The following LRP8 variants were observed in gnomAD, a reference collection of about 807,000 sequenced individuals.
LRP8 encodes the protein LDL receptor related protein 8, also known as low-density lipoprotein receptor-related protein 8.
LRP8 carries 46 observed loss-of-function variants against 111.6 expected under a neutral mutation model. The observed-to-expected ratio is 0.41, with a 90% CI of 0.33 to 0.53. LRP8 has a LOEUF of 0.53. Ranked by LOEUF, LRP8 falls within the 20% of genes least tolerant of loss-of-function variation. The probability of loss-of-function intolerance (pLI) is 0.20; values close to 1 mark genes in which losing one functional copy is unlikely to be tolerated. For synonymous variants in LRP8, 464 were observed against 511.2 expected, an observed-to-expected ratio of 0.91 and a Z score of 1.24; for missense variants, 959 against 1,297.4, an observed-to-expected ratio of 0.74 and a Z score of 4.01.
In LRP8 at chr1:53,266,739, C is replaced by T; in HGVS notation, c.1253-92G>A. ...TCTGCCACTGGCTTGCTGGCTGACA[C>T]ATCCATTTTCCTTAAAATAGTAGTG... On this transcript the variant is annotated intron_variant, in intron 8 of 18. Transcript: ENST00000306052. This position sits in a 1 kb window ranked among gnomAD's most constrained non-coding sequence, Gnocchi z 5.0. The T allele has an allele frequency of 8.7e-7, 1 of 1,151,390 alleles. No homozygotes were observed. Among genetic ancestry groups the T allele is most frequent in the Non-Finnish European group, 1.3e-6 (1 of 780,014 alleles). 71.3% of individuals were successfully genotyped at this position (1,151,390 alleles called of 1,614,324 possible).
Position 53,328,063 on chromosome 1 carries a change from T to G in LRP8, c.-151A>C. On this transcript the variant is annotated 5_prime_UTR_variant, in exon 1 of 19. Transcript: ENST00000306052. ...CTGCCGCCCGCCCCGGCTCCTCGGC[T>G]GCATTTCAAGCAGGTTCGGTGACGC... 3.2e-6 allele frequency: 1 copy of G among 317,182 alleles called. No individual in the cohort carries two copies. The highest frequency in any genetic ancestry group is 4.5e-6 in the Non-Finnish European group (1 of 221,272). The allele number at this position is 317,182 out of a possible 1,614,324, so 19.6% of individuals were successfully genotyped here.
chr1:53,258,289 G>A, intron 14 of LRP8, 30 bp downstream of exon 14: 2 of 1,605,348 alleles, frequency 1.2e-6, no homozygotes, highest in Admixed American at 1.7e-5. Context: ...GACACTGCCA[G>A]GGGCCATCCC....
At chr1:53,278,236 C>T (rs1172982696) in intron 4 of LRP8, among the ~76,000 whole-genome samples, 1 of 152,216 alleles carries the variant, frequency 6.6e-6, no homozygotes, top group African/African-American at 2.4e-5. Flanking sequence ...TTTCTCCTCC[C>T]TTCCTGGAGT....
chr1:53,297,485 C>T (rs1469119745), intron 2 of LRP8, among the ~76,000 whole-genome samples: 1 of 152,196 alleles, frequency 6.6e-6, no homozygotes, highest in Non-Finnish European at 1.5e-5. Flanking sequence ...TTTGTACTGC[C>T]CAGCGGGCTC....
At chr1:53,272,439 C>A (rs896119038) in intron 6 of LRP8, among the ~76,000 whole-genome samples, 1 of 151,430 alleles carries the variant, frequency 6.6e-6, no homozygotes, top group Non-Finnish European at 1.5e-5. Flanking sequence ...TCCCCCTCTG[C>A]CCCCCAGGCT....
At chr1:53,259,300 T>C (rs1557758206) in intron 13 of LRP8, among the ~76,000 whole-genome samples, 1 of 152,132 alleles carries the variant, frequency 6.6e-6, no homozygotes, top group Non-Finnish European at 1.5e-5. Flanking sequence ...TTTGTAGTGA[T>C]AGAGTCTTGC....
Position 53,264,341 on chromosome 1 carries a change from G to T in LRP8, c.1483C>A (p.Gln495Lys), listed in dbSNP as rs1166280821. The T allele has an allele frequency of 6.2e-7, 1 of 1,613,990 alleles. No individual in the cohort carries two copies. Among genetic ancestry groups the T allele is most frequent in the African/African-American group, 1.3e-5 (1 of 74,918 alleles). Residue 495 changes from glutamine (Q) to lysine (K), a missense_variant, in exon 10 of 19, where the codon CAG (glutamine) becomes AAG (lysine). Coordinates refer to ENST00000306052, the MANE Select transcript of LRP8 (RefSeq NM_004631.5). Reference sequence around the variant, plus strand: ...GCCAGGCCCTCTGGAGAGTGCAACTGCTCGTCAATGAGGACCTCCTGCTCT... The same window carrying T: ...GCCAGGCCCTCTGGAGAGTGCAACTTCTCGTCAATGAGGACCTCCTGCTCT... ...PKEQEVLIDE[Q>K]LHSPEGLAVD...
At chr1:53,260,306 A>C (rs549164661) in intron 13 of LRP8, among the ~76,000 whole-genome samples, 158 bp downstream of exon 13, 1 of 152,384 alleles carries the variant, frequency 6.6e-6, no homozygotes, top group African/African-American at 2.4e-5. Flanking sequence ...GAGACAAAAT[A>C]TATGATGAAA....
chr1:53,298,632 T>A (rs961067082), intron 2 of LRP8, among the ~76,000 whole-genome samples: 2 of 152,178 alleles, frequency 1.3e-5, no homozygotes, highest in Non-Finnish European at 2.9e-5. Flanking sequence ...GGAGACCCTT[T>A]AGGCCCTCCA....
At chr1:53,309,402 C>T (rs1372209200) in intron 2 of LRP8, among the ~76,000 whole-genome samples, 2 of 152,224 alleles carry the variant, frequency 1.3e-5, no homozygotes, top group Non-Finnish European at 2.9e-5. Context: ...TCCCAGCCAA[C>T]AGCCCTTTGA....
intron 12 of LRP8, among the ~76,000 whole-genome samples, chr1:53,261,776 C>T (rs1436959921): frequency 6.6e-6 from 1 of 152,158 alleles, no homozygotes; most frequent in African/African-American, 2.4e-5. Flanking sequence ...ATATGGGTTA[C>T]AGTGCTGGGT....
At position 53,275,522 on chromosome 1, in the gene LRP8, T is replaced by A; in HGVS notation, c.1006+109A>T. On this transcript the variant is annotated intron_variant, in intron 6 of 18. Transcript: ENST00000306052. The surrounding 1 kb of genome is among the most constrained non-coding windows in gnomAD (Gnocchi z 4.4). Reference sequence around the variant, plus strand: ...GGGCAAGTGATGCTCTGGGGGAAAATGCATCTTGGGGACCAAGGGGAAACT... The same window carrying A: ...GGGCAAGTGATGCTCTGGGGGAAAAAGCATCTTGGGGACCAAGGGGAAACT... 7.0e-7 allele frequency: 1 copy of A among 1,437,032 alleles called. No homozygotes were observed. The highest frequency in any genetic ancestry group is 1.3e-5 in the South Asian group (1 of 76,946). 89.0% of individuals were successfully genotyped at this position (1,437,032 alleles called of 1,614,324 possible).
chr1:53,278,520 G>A lies in LRP8; in HGVS notation c.497-1442C>T, dbSNP rs371215179. On this transcript the variant is annotated intron_variant, in intron 4 of 18. Transcript: ENST00000306052. The stretch of plus-strand genomic sequence containing the variant: ...TGTCTTCAGTTTCACCAGGTAGGTA[G>A]CTCGTGTCATGCGTTTCTGACAGCT... Among the ~76,000 whole-genome samples the A allele has an allele frequency of 1.6e-4, 24 of 152,362 alleles. No individual in the cohort carries two copies. In the East Asian group the frequency reaches 3.1e-3, roughly 20 times the overall value.
At chr1:53,288,896 T>C (rs1648100090) in intron 3 of LRP8, among the ~76,000 whole-genome samples, 1 of 152,066 alleles carries the variant, frequency 6.6e-6, no homozygotes, top group African/African-American at 2.4e-5. Flanking sequence ...GGAAAATAAA[T>C]CATGGAGAGA....
intron 10 of LRP8, among the ~76,000 whole-genome samples, chr1:53,263,932 A>T (rs1411529722): frequency 6.6e-6 from 1 of 152,092 alleles, no homozygotes; most frequent in Non-Finnish European, 1.5e-5. Flanking sequence ...CTAGAGCCCT[A>T]CTCTGCTCTG....
Position 53,280,735 on chromosome 1 carries a change from T to C in LRP8, c.368-20A>G, listed in dbSNP as rs1414884544. Reference sequence around the variant, plus strand: ...GCTTGGCTGTGGAGACAGACGTCCATGCATAGCTTAGCCAAGGGGGACACA... The same window carrying C: ...GCTTGGCTGTGGAGACAGACGTCCACGCATAGCTTAGCCAAGGGGGACACA... On this transcript the variant is annotated intron_variant, in intron 3 of 18. Coordinates refer to ENST00000306052, the MANE Select transcript of LRP8 (RefSeq NM_004631.5). The C allele has an allele frequency of 1.2e-6, 2 of 1,609,186 alleles. No homozygotes were observed. The highest frequency in any genetic ancestry group is 1.7e-6 in the Non-Finnish European group (2 of 1,179,774).
intron 2 of LRP8, among the ~76,000 whole-genome samples, chr1:53,323,310 G>A (rs993456211): frequency 3.9e-5 from 6 of 152,222 alleles, no homozygotes; most frequent in Admixed American, 3.3e-4. Context: ...CCATTTTATA[G>A]AATAGAGGAA....
At chr1:53,287,153 G>T (rs747331404) in intron 3 of LRP8, among the ~76,000 whole-genome samples, 3 of 152,238 alleles carry the variant, frequency 2.0e-5, no homozygotes, top group Non-Finnish European at 2.9e-5. Flanking sequence ...GGCCGTGGAG[G>T]TTGCTATGGC....
chr1:53,248,506 G>T (rs1374994235), intron 18 of LRP8, among the ~76,000 whole-genome samples: 1 of 152,242 alleles, frequency 6.6e-6, no homozygotes, highest in Non-Finnish European at 1.5e-5. Flanking sequence ...TGTATATACA[G>T]ACTGGAGTTT....
Sources: allele counts gnomAD v4.1 joint callset (sites outside exome capture counted in the v4.1 genomes callset), GRCh38; gene constraint gnomAD v4.1.1; non-coding constraint Gnocchi (gnomAD v3.1); transcripts MANE v1.5; gene names NCBI Gene and HGNC (gene_info 2026-07-23, HGNC 2026-07-21).